SLC4A5: variants seen among roughly 807,000 people sequenced by gnomAD.
SLC4A5 encodes the protein electrogenic sodium bicarbonate cotransporter 4.
Under a neutral mutation model 120.4 loss-of-function variants are expected in SLC4A5, and 96 were observed. The observed-to-expected ratio is 0.80, with a 90% confidence interval of 0.68 to 0.94. The LOEUF (loss-of-function observed/expected upper bound fraction) is 0.94. Ranked by LOEUF, SLC4A5 falls within the 40% of genes least tolerant of loss-of-function variation. The pLI, the probability that SLC4A5 is intolerant of heterozygous loss-of-function variation, is 0.00. For synonymous variants in SLC4A5, 550 were observed against 571.1 expected, an observed-to-expected ratio of 0.96 and a Z score of 0.53; for missense variants, 1,259 against 1,459.5, an observed-to-expected ratio of 0.86 and a Z score of 2.24.
intron 7 of SLC4A5, among the ~76,000 whole-genome samples, chr2:74,299,686 C>G (rs77026787): frequency 6.6e-6 from 1 of 152,270 alleles, no homozygotes; most frequent in South Asian, 2.1e-4. Context: ...TCACCCCATA[C>G]CTGTTAGAAT....
At chr2:74,284,824 AT>A (rs1671930932) in intron 8 of SLC4A5, among the ~76,000 whole-genome samples, 1 of 152,020 alleles carries the variant, frequency 6.6e-6, no homozygotes, top group South Asian at 2.1e-4. Flanking sequence ...TGCTCTCCGT[AT>A]ATATGGAGTG....
At chr2:74,285,901 C>A (rs1164574637) in exon 8 of SLC4A5, 2 of 1,595,572 alleles carry the variant, frequency 1.3e-6, no homozygotes, top group Admixed American at 3.5e-5. Flanking sequence ...CAGCTGGGGA[C>A]CCTGCAAAAG....
chr2:74,281,847 G>A lies in SLC4A5; in HGVS notation c.401+3926C>T, dbSNP rs543767245. Among the ~76,000 whole-genome samples, 19 of 152,264 alleles carry A rather than the reference G, an allele frequency of 1.2e-4. No homozygotes were observed. The East Asian group carries it at 2.7e-3, about 22-fold the overall frequency. ...GCAAATTAAATACTTTTATTAAAGCGTCCCCTCCCCGATTCTCTTTGACAT... is the reference window on the plus strand; with the variant it reads ...GCAAATTAAATACTTTTATTAAAGCATCCCCTCCCCGATTCTCTTTGACAT... On this transcript the variant is annotated intron_variant, in intron 8 of 30. Coordinates refer to ENST00000394019, the Ensembl canonical transcript of SLC4A5.
chr2:74,241,996 G>A (rs759043668), exon 20 of SLC4A5: 2 of 1,604,034 alleles, frequency 1.2e-6, no homozygotes, highest in East Asian at 2.3e-5. Flanking sequence ...GGACTTACCA[G>A]AGAAGCGTTG....
At chr2:74,320,448 T>A (rs1318683873) in intron 5 of SLC4A5, among the ~76,000 whole-genome samples, 2 of 152,134 alleles carry the variant, frequency 1.3e-5, no homozygotes, top group Non-Finnish European at 2.9e-5. Flanking sequence ...AGAATTGATA[T>A]CAGATTTCTC....
chr2:74,268,075 T>G (rs1671361478), intron 8 of SLC4A5, among the ~76,000 whole-genome samples: 1 of 152,020 alleles, frequency 6.6e-6, no homozygotes, highest in Non-Finnish European at 1.5e-5. Flanking sequence ...GCTGAAAATC[T>G]CGAGTAAGTT....
At chr2:74,331,792 T>G (rs1200610999) in intron 4 of SLC4A5, among the ~76,000 whole-genome samples, 1 of 152,150 alleles carries the variant, frequency 6.6e-6, no homozygotes, top group African/African-American at 2.4e-5. Context: ...CTTACTGCTC[T>G]ACCTCTAAAC....
chr2:74,307,563 A>G lies in SLC4A5; in HGVS notation c.80-2883T>C, dbSNP rs570102458. ...AAGATGGGCACTGTCGATCTGCACA[A>G]TGTGGGCATTGTCCACAGTATTTGC... On this transcript the variant is annotated intron_variant, in intron 6 of 30. Coordinates refer to ENST00000394019, the Ensembl canonical transcript of SLC4A5. The G allele has an allele frequency of 2.9e-5, 19 of 660,530 alleles. No homozygotes were observed. The East Asian group carries it at 6.3e-4, about 22-fold the overall frequency. The allele number at this position is 660,530 out of a possible 1,614,324, so 40.9% of individuals were successfully genotyped here.
At chr2:74,294,635 C>T (rs777076872) in intron 7 of SLC4A5, among the ~76,000 whole-genome samples, 9 of 150,940 alleles carry the variant, frequency 6.0e-5, no homozygotes, top group South Asian at 4.2e-4. Context: ...CCAGTGGGGA[C>T]GGAGAAAGGA....
At chr2:74,278,052 T>C (rs2104124003) in intron 8 of SLC4A5, among the ~76,000 whole-genome samples, 1 of 152,334 alleles carries the variant, frequency 6.6e-6, no homozygotes, top group South Asian at 2.1e-4. Flanking sequence ...AAAGTTTAAA[T>C]ATATATTTGG....
In SLC4A5 at chr2:74,303,942, C is replaced by T. The variant is rs1199884075; in HGVS notation, c.271+547G>A. On this transcript the variant is annotated intron_variant, in intron 7 of 30. Transcript: ENST00000394019. ...TCGGCTCACTGCAAGCTCCGCCTCC[C>T]GGGTTCACGCCATTCTCCTGCCTCA... Among the ~76,000 whole-genome samples, 343 of 150,566 alleles carry T rather than the reference C, an allele frequency of 2.3e-3. 6 individuals carry two copies. Among genetic ancestry groups the T allele is most frequent in the Admixed American group, 1.1e-3 (16 of 15,180 alleles).
At chr2:74,264,241 C>G (rs759027764) in exon 10 of SLC4A5, 9 of 1,614,094 alleles carry the variant, frequency 5.6e-6, no homozygotes, top group Non-Finnish European at 8.5e-7. Flanking sequence ...CGTAACTGAC[C>G]CTCTCCCGGA....
At chr2:74,336,845 C>A (rs1257976575) in intron 3 of SLC4A5, among the ~76,000 whole-genome samples, 1 of 152,226 alleles carries the variant, frequency 6.6e-6, no homozygotes, top group African/African-American at 2.4e-5. Context: ...ACTCCCCTTA[C>A]CTCTCTCCCT....
At chr2:74,324,772 C>T (rs1178218295) in intron 5 of SLC4A5, among the ~76,000 whole-genome samples, 2 of 152,036 alleles carry the variant, frequency 1.3e-5, no homozygotes, top group African/African-American at 2.4e-5. Flanking sequence ...GGCCATGTGA[C>T]CCAGGCTGGT....
At chr2:74,297,995 G>A (rs974584593) in intron 7 of SLC4A5, among the ~76,000 whole-genome samples, 3 of 152,200 alleles carry the variant, frequency 2.0e-5, no homozygotes, top group African/African-American at 7.2e-5. Context: ...GAAAGGGCAA[G>A]CACAGTCTTT....
intron 9 of SLC4A5, 152 bp from the exon 10 acceptor site, chr2:74,264,451 C>T: frequency 1.2e-6 from 1 of 810,090 alleles, no homozygotes; most frequent in Non-Finnish European, 1.9e-6. Context: ...GAAAACTGGG[C>T]ACATCACCAA....
rs116090045 is a variant in SLC4A5 at position 74,322,023 on chromosome 2, C to T, written c.-3+6097G>A. Among the ~76,000 whole-genome samples the T allele has an allele frequency of 2.4e-3, 359 of 152,140 alleles. 1 individual carries two copies. Among genetic ancestry groups the T allele is most frequent in the African/African-American group, 8.2e-3 (339 of 41,494 alleles). On this transcript the variant is annotated intron_variant, in intron 5 of 30. Transcript: ENST00000394019. The stretch of plus-strand genomic sequence containing the variant: ...TCCTTTACCCTCCTGCTTTCTTGCA[C>T]GGACCTTGAGACTTTGAGATAAAGC...
chr2:74,255,697 T>A lies in SLC4A5; in HGVS notation c.1025+78A>T. On this transcript the variant is annotated intron_variant, in intron 13 of 30. Coordinates refer to ENST00000394019, the Ensembl canonical transcript of SLC4A5. This position sits in a 1 kb window ranked among gnomAD's most constrained non-coding sequence, Gnocchi z 4.0. ...GAGGTGCCTTTGAGAACACTAACAGTCAACAGCACTGCTTGCTGACTGCAC... is the reference window on the plus strand; with the variant it reads ...GAGGTGCCTTTGAGAACACTAACAGACAACAGCACTGCTTGCTGACTGCAC... The A allele has an allele frequency of 6.5e-7, 1 of 1,549,256 alleles. No individual in the cohort carries two copies. Among genetic ancestry groups the A allele is most frequent in the Non-Finnish European group, 8.8e-7 (1 of 1,134,062 alleles).
intron 2 of SLC4A5, chr2:74,339,529 G>GT (rs1236390794): frequency 6.6e-6 from 1 of 152,114 alleles, no homozygotes; most frequent in Admixed American, 6.5e-5. Context: ...GTACAGTATG[G>GT]TCTCTCCAGG....
Sources: gnomAD v4.1 joint callset for allele counts (sites outside exome capture counted in the v4.1 genomes callset) on GRCh38, gnomAD v4.1.1 for gene constraint, Gnocchi (gnomAD v3.1) non-coding constraint, MANE v1.5 for transcripts, NCBI Gene and HGNC (gene_info 2026-07-23, HGNC 2026-07-21) for gene names.